FHIP1A: variants seen among roughly 807,000 people sequenced by gnomAD.
FHIP1A encodes FHF complex subunit HOOK interacting protein 1A.
Under a neutral mutation model 88.6 loss-of-function variants are expected in FHIP1A, and 61 were observed. The ratio of observed to expected loss-of-function variants is 0.69; its 90% CI spans 0.56 to 0.85. The LOEUF (loss-of-function observed/expected upper bound fraction) is 0.85, where lower values mean the gene tolerates loss of function less well. FHIP1A is among the 40% of genes least tolerant of loss of function. The probability of loss-of-function intolerance (pLI) is 0.00; values close to 1 mark genes in which losing one functional copy is unlikely to be tolerated. For missense variants in FHIP1A, 1,154 were observed against 1,273.5 expected (o/e 0.91, Z 1.43); for synonymous variants, 478 against 496.0 (o/e 0.96, Z 0.48).
At chr4:151,481,942 C>T in intron 2 of FHIP1A, among the ~76,000 whole-genome samples, 1 of 152,068 alleles carries the variant, frequency 6.6e-6, no homozygotes, top group Admixed American at 6.6e-5. Context: ...AGGCATTAAG[C>T]CACACATTTG....
intron 3 of FHIP1A, among the ~76,000 whole-genome samples, chr4:151,561,242 T>G (rs1733159581): frequency 6.6e-6 from 1 of 152,162 alleles, no homozygotes; most frequent in South Asian, 2.1e-4. Flanking sequence ...TGGAATGAAA[T>G]AAGATTCTGA....
At position 151,650,439 on chromosome 4, in the gene FHIP1A, G is replaced by A; in HGVS notation, c.2398G>A (p.Gly800Arg). ...GAGTAAAGGAGAAAAGGAGAAGGAG[G>A]GGAAGAAGGAGCTAGAAGATGAGGA... ...EESKGEKEKE[G>R]KKELEDEEDD... Residue 800 changes from glycine to arginine, a missense_variant, in exon 11 of 14, where the codon GGG becomes AGG. By Grantham distance (125) the Gly-to-Arg change is moderately radical. Coordinates refer to ENST00000435205, the MANE Select transcript of FHIP1A (RefSeq NM_001109977.3). The A allele has an allele frequency of 6.4e-7, 1 of 1,551,562 alleles. No individual in the cohort carries two copies. Among genetic ancestry groups the A allele is most frequent in the African/African-American group, 1.4e-5 (1 of 73,138 alleles).
intron 5 of FHIP1A, among the ~76,000 whole-genome samples, chr4:151,582,019 T>C (rs1346506776): frequency 1.3e-5 from 2 of 152,198 alleles, no homozygotes; most frequent in African/African-American, 4.8e-5. Context: ...CACTTTTTTT[T>C]TTAAAACCAA....
At chr4:151,570,390 A>G (rs554018729) in intron 4 of FHIP1A, among the ~76,000 whole-genome samples, 1 of 152,068 alleles carries the variant, frequency 6.6e-6, no homozygotes, top group South Asian at 2.1e-4. Flanking sequence ...CTCCCACCCC[A>G]TGTTCAAGCA....
rs1217863909 is a variant in FHIP1A, at chr4:151,412,484, T to C, written c.-356+3019T>C. 2.6e-5 allele frequency among the ~76,000 whole-genome samples: 4 copies of C among 152,194 alleles called. No individual in the cohort carries two copies. The East Asian group carries it at 7.7e-4, about 29-fold the overall frequency. On this transcript the variant is annotated intron_variant, in intron 1 of 13. Coordinates refer to ENST00000435205, the MANE Select transcript of FHIP1A (RefSeq NM_001109977.3). ...AGACCTGAATTCAGGATTTCTGATTTACAGCCCATGCTTTCACTTTTTTCC... is the reference window on the plus strand; with the variant it reads ...AGACCTGAATTCAGGATTTCTGATTCACAGCCCATGCTTTCACTTTTTTCC...
Position 151,662,785 on chromosome 4 carries a change from G to A in FHIP1A, c.*31G>A, listed in dbSNP as rs1211088561. On this transcript the variant is annotated 3_prime_UTR_variant, in exon 14 of 14. Coordinates refer to ENST00000435205, the MANE Select transcript of FHIP1A (RefSeq NM_001109977.3). The stretch of plus-strand genomic sequence containing the variant: ...TTTTTTTTTTTTAATAGAGGTTCTT[G>A]TTTTGTAAGGTTTTAGTGTCTTGAC... The A allele has an allele frequency of 4.3e-6, 6 of 1,386,636 alleles. No individual in the cohort carries two copies. The highest frequency in any genetic ancestry group is 5.7e-6 in the Non-Finnish European group (6 of 1,054,726). The allele number at this position is 1,386,636 out of a possible 1,614,324, so 85.9% of individuals were successfully genotyped here.
intron 7 of FHIP1A, among the ~76,000 whole-genome samples, chr4:151,621,919 C>G (rs1266172913): frequency 6.6e-6 from 1 of 151,934 alleles, no homozygotes; most frequent in African/African-American, 2.4e-5. Context: ...CCCTGCTGTT[C>G]AGGCATTGTA....
chr4:151,447,407 G>A (rs879470393), intron 1 of FHIP1A, among the ~76,000 whole-genome samples: 2 of 152,134 alleles, frequency 1.3e-5, no homozygotes, highest in African/African-American at 4.8e-5. Context: ...TTCAAGGAAT[G>A]CATTTTCATT....
intron 7 of FHIP1A, among the ~76,000 whole-genome samples, chr4:151,589,207 G>T (rs548259636): frequency 6.6e-6 from 1 of 152,164 alleles, no homozygotes; most frequent in African/African-American, 2.4e-5. Flanking sequence ...GTTTCACTTC[G>T]TGGGCAGTGG....
intron 4 of FHIP1A, among the ~76,000 whole-genome samples, chr4:151,573,201 T>G (rs1733658511): frequency 6.6e-6 from 1 of 152,132 alleles, no homozygotes; most frequent in South Asian, 2.1e-4. Context: ...TTTTATGTGT[T>G]TCTTTCTTTT....
chr4:151,623,145 T>C (rs1735811225), intron 7 of FHIP1A, among the ~76,000 whole-genome samples: 2 of 152,254 alleles, frequency 1.3e-5, no homozygotes, highest in South Asian at 2.1e-4. Context: ...ACCATTTTTA[T>C]TGGCAATGAC....
chr4:151,515,854 C>T (rs951360195), intron 3 of FHIP1A, among the ~76,000 whole-genome samples: 25 of 152,226 alleles, frequency 1.6e-4, no homozygotes, highest in African/African-American at 5.3e-4. Context: ...GAATCAATAT[C>T]GTGAAAATGG....
Position 151,656,220 on chromosome 4 carries a change from T to C in FHIP1A, c.2552-12T>C. 1 of 1,549,836 alleles carries C rather than the reference T, an allele frequency of 6.5e-7. No individual in the cohort carries two copies. Among genetic ancestry groups the C allele is most frequent in the Non-Finnish European group, 8.7e-7 (1 of 1,145,420 alleles). ...GCCCAGCCAGCCCTGAAGCCTTGTGTTCTTCCTGCAGGCCCATTCATCAGC... is the reference window on the plus strand; with the variant it reads ...GCCCAGCCAGCCCTGAAGCCTTGTGCTCTTCCTGCAGGCCCATTCATCAGC... On this transcript the variant is annotated splice_polypyrimidine_tract_variant and intron_variant, in intron 11 of 13. Transcript: ENST00000435205. This position sits in a 1 kb window ranked among gnomAD's most constrained non-coding sequence, Gnocchi z 4.2.
intron 7 of FHIP1A, among the ~76,000 whole-genome samples, chr4:151,603,688 T>C (rs1005672170): frequency 1.1e-4 from 17 of 152,190 alleles, no homozygotes; most frequent in African/African-American, 4.1e-4. Context: ...GCTTAATTCA[T>C]CCTCTGCATA....
intron 7 of FHIP1A, among the ~76,000 whole-genome samples, chr4:151,607,370 G>A (rs1735114236): frequency 6.6e-6 from 1 of 152,138 alleles, no homozygotes; most frequent in South Asian, 2.1e-4. Flanking sequence ...TATTAAATCT[G>A]GATTGAAAAA....
At chr4:151,631,591 A>C (rs2126880308) in intron 8 of FHIP1A, among the ~76,000 whole-genome samples, 1 of 152,292 alleles carries the variant, frequency 6.6e-6, no homozygotes, top group East Asian at 1.9e-4. Flanking sequence ...TTATTCCCTC[A>C]CAGAGAAACC....
chr4:151,581,847 G>C (rs931808860), intron 5 of FHIP1A, among the ~76,000 whole-genome samples: 2 of 152,166 alleles, frequency 1.3e-5, no homozygotes, highest in Non-Finnish European at 1.5e-5. Flanking sequence ...TCAGGAAATC[G>C]GACCACTTTT....
At chr4:151,588,751 T>C in intron 6 of FHIP1A, 89 bp from the exon 7 acceptor site, 1 of 868,116 alleles carries the variant, frequency 1.2e-6, no homozygotes, top group Non-Finnish European at 1.9e-6. Context: ...ATTTCCTTTT[T>C]GAGTTCAGGA....
intron 1 of FHIP1A, among the ~76,000 whole-genome samples, chr4:151,421,714 C>G (rs551043180): frequency 6.6e-6 from 1 of 152,056 alleles, no homozygotes; most frequent in East Asian, 1.9e-4. Context: ...CCTCTGGGAC[C>G]TCTCTTACTT....
Sources: gnomAD v4.1 joint callset for allele counts (sites outside exome capture counted in the v4.1 genomes callset) on GRCh38, gnomAD v4.1.1 for gene constraint, Gnocchi (gnomAD v3.1) non-coding constraint, MANE v1.5 for transcripts, NCBI Gene and HGNC (gene_info 2026-07-23, HGNC 2026-07-21) for gene names.